The following RBM20 variants were observed in gnomAD, a reference collection of about 807,000 sequenced individuals.
RBM20 encodes the protein RNA binding motif protein 20.
In RBM20, 51 loss-of-function variants were observed where a neutral mutation model predicts 110.1. The ratio of observed to expected loss-of-function variants is 0.46; its 90% CI spans 0.37 to 0.59. RBM20 has a LOEUF of 0.59. Ranked by LOEUF, RBM20 falls within the 20% of genes least tolerant of loss-of-function variation. The pLI is 0.00. For missense variants in RBM20, 1,512 were observed against 1,574.9 expected, an observed-to-expected ratio of 0.96 and a Z score of 0.68; for synonymous variants, 589 against 618.2, an observed-to-expected ratio of 0.95 and a Z score of 0.70.
chr10:110,700,925 G>A lies in RBM20; in HGVS notation c.191+56280G>A, dbSNP rs559078549. ...AGCTACTTGGGAGGCTGAGACGGGA[G>A]AATCGCTTGAACCCGGGAGATGGAG... is the stretch of plus-strand genomic sequence containing the variant. On this transcript the variant is annotated intron_variant, in intron 1 of 13. Transcript: ENST00000369519. 2.0e-5 allele frequency among the ~76,000 whole-genome samples: 3 copies of A among 152,264 alleles called. No homozygotes were observed. The South Asian group carries it at 6.2e-4, about 32-fold the overall frequency.
chr10:110,808,724 C>T (rs1297552745), intron 7 of RBM20, among the ~76,000 whole-genome samples: 1 of 152,144 alleles, frequency 6.6e-6, no homozygotes, highest in East Asian at 1.9e-4. Context: ...CCTGAAACTG[C>T]AGGCAGCTCC....
In RBM20 at chr10:110,675,417, A is replaced by T. The variant is rs773385107; in HGVS notation, c.191+30772A>T. Among the ~76,000 whole-genome samples, 92 of 152,188 alleles carry T rather than the reference A, an allele frequency of 6.0e-4. 1 individual carries two copies. The highest frequency in any genetic ancestry group is 1.3e-3 in the Non-Finnish European group (86 of 68,034). ...ATGAGCAGCTGTGTCTTGCATTCTT[A>T]TAATGTGGTTCTGAGGACTTTACAT... On this transcript the variant is annotated intron_variant, in intron 1 of 13. Coordinates refer to ENST00000369519, the MANE Select transcript of RBM20 (RefSeq NM_001134363.3).
intron 8 of RBM20, among the ~76,000 whole-genome samples, chr10:110,811,112 A>G (rs997224839): frequency 3.0e-4 from 45 of 152,336 alleles, no homozygotes; most frequent in African/African-American, 1.1e-3. Flanking sequence ...AGAAAACTGC[A>G]GGAGCAGGCA....
chr10:110,783,526 AG>A, intron 3 of RBM20, 99 bp downstream of exon 3: 1 of 908,892 alleles, frequency 1.1e-6, no homozygotes, highest in Non-Finnish European at 1.7e-6. Flanking sequence ...CTGGGGCAAT[AG>A]CAGAGACCAG....
At chr10:110,701,828 C>A (rs562286134) in intron 1 of RBM20, among the ~76,000 whole-genome samples, 1 of 152,310 alleles carries the variant, frequency 6.6e-6, no homozygotes, top group African/African-American at 2.4e-5. Context: ...GAGTTTCAAT[C>A]CCCAGGGTCC....
At chr10:110,813,719 C>T (rs1483895729) in intron 9 of RBM20, among the ~76,000 whole-genome samples, 1 of 151,912 alleles carries the variant, frequency 6.6e-6, no homozygotes, top group Admixed American at 6.6e-5. Context: ...CCTGTAGTCC[C>T]AGCTACTCAG....
At chr10:110,776,620 C>T (rs140693113) in intron 1 of RBM20, among the ~76,000 whole-genome samples, 1 of 152,322 alleles carries the variant, frequency 6.6e-6, no homozygotes, top group Admixed American at 6.5e-5. Context: ...GACTCTGATC[C>T]TCCTGCTTCC....
intron 1 of RBM20, among the ~76,000 whole-genome samples, chr10:110,724,996 A>C (rs1172297543): frequency 1.3e-5 from 2 of 152,182 alleles, no homozygotes; most frequent in Non-Finnish European, 2.9e-5. Context: ...TGGATTGCCA[A>C]GTTACTGCAA....
intron 12 of RBM20, among the ~76,000 whole-genome samples, 155 bp from the exon 13 acceptor site, chr10:110,830,906 A>G (rs770307393): frequency 1.3e-5 from 2 of 152,120 alleles, no homozygotes; most frequent in Non-Finnish European, 2.9e-5. Context: ...AAGTGAGGAA[A>G]CTGAGGCTTG....
chr10:110,727,399 C>CAAAAATAAAAAAAAAAA (rs1554893376), intron 1 of RBM20, among the ~76,000 whole-genome samples: 1 of 83,240 alleles, frequency 1.2e-5, no homozygotes, highest in African/African-American at 4.4e-5. Context: ...AAGTCCGTCT[C>CAAAAATAAAAAAAAAAA]AAAAAATAAA....
At chr10:110,815,049 G>A (rs554642839) in intron 9 of RBM20, among the ~76,000 whole-genome samples, 1 of 152,270 alleles carries the variant, frequency 6.6e-6, no homozygotes, top group East Asian at 1.9e-4. Context: ...AACATATACA[G>A]GCAATCAGGA....
At chr10:110,724,562 G>A (rs1279299775) in intron 1 of RBM20, among the ~76,000 whole-genome samples, 6 of 152,144 alleles carry the variant, frequency 3.9e-5, no homozygotes, top group African/African-American at 1.4e-4. Flanking sequence ...GAGAAGCATT[G>A]ACTCCCTGGC....
chr10:110,740,546 A>G (rs895165054), intron 1 of RBM20, among the ~76,000 whole-genome samples: 2 of 151,896 alleles, frequency 1.3e-5, no homozygotes, highest in Non-Finnish European at 2.9e-5. Context: ...TGGGTTATGG[A>G]CCCACCAGAG....
chr10:110,661,313 G>A (rs1862098342), intron 1 of RBM20, among the ~76,000 whole-genome samples: 2 of 152,160 alleles, frequency 1.3e-5, no homozygotes, highest in African/African-American at 4.8e-5. Context: ...CTGGGCACCC[G>A]TGACTTGGTG....
chr10:110,731,330 A>G (rs1843619288), intron 1 of RBM20, among the ~76,000 whole-genome samples: 1 of 152,202 alleles, frequency 6.6e-6, no homozygotes, highest in Non-Finnish European at 1.5e-5. Flanking sequence ...AGAGAATGAA[A>G]CAAGGAAGAT....
chr10:110,835,962 A>T lies in RBM20; in HGVS notation c.3668A>T (p.Glu1223Val). ...PEDSGIVPRF[E>V]RKKL The stretch of plus-strand genomic sequence containing the variant: ...GACAGCGGAATCGTGCCACGCTTCG[A>T]AAGGAAAAAGCTCTGATGCTTCTGC... Residue 1223 changes from glutamate to valine, a missense_variant, in exon 14 of 14, where the codon GAA becomes GTA. Transcript: ENST00000369519. 1 of 1,221,706 alleles carries T rather than the reference A, an allele frequency of 8.2e-7. No individual in the cohort carries two copies. Among genetic ancestry groups the T allele is most frequent in the Non-Finnish European group, 1.2e-6 (1 of 853,908 alleles). 75.7% of individuals were successfully genotyped at this position (1,221,706 alleles called of 1,614,324 possible).
rs1843679602 is a variant in RBM20 at position 110,737,177 on chromosome 10, C to CAAAAAAAAAAAGAAAAAAAAA, written c.192-43613_192-43612insGAAAAAAAAAAAAAAAAAAAA. Among the ~76,000 whole-genome samples the CAAAAAAAAAAAGAAAAAAAAA allele has an allele frequency of 7.5e-5, 2 of 26,620 alleles. 1 individual carries two copies. The highest frequency in any genetic ancestry group is 1.4e-4 in the Non-Finnish European group (2 of 14,384). 17.5% of individuals were successfully genotyped at this position (26,620 alleles called of 152,430 possible). A position where few individuals can be genotyped will look rare whatever the true frequency, so the allele number is the denominator to read the frequency against. ...GGGCAAGAAGAGTGAAACTCTGCCT[C>CAAAAAAAAAAAGAAAAAAAAA]AAAAAAAAAAAAAAAAAAAACACCC... On this transcript the variant is annotated intron_variant, in intron 1 of 13. Coordinates refer to ENST00000369519, the MANE Select transcript of RBM20 (RefSeq NM_001134363.3).
Position 110,677,776 on chromosome 10 carries a change from A to G in RBM20, c.191+33131A>G, listed in dbSNP as rs572601578. ...TAGATAGTTGGTGTGTTCGATGGGC[A>G]TGTATCTCATGTTACTTGTCTTCAT... On this transcript the variant is annotated intron_variant, in intron 1 of 13. Coordinates refer to ENST00000369519, the MANE Select transcript of RBM20 (RefSeq NM_001134363.3). 4.6e-5 allele frequency among the ~76,000 whole-genome samples: 7 copies of G among 152,362 alleles called. No homozygotes were observed. In the East Asian group the frequency reaches 9.6e-4, roughly 21 times the overall value.
chr10:110,777,851 CT>C (rs1358627982), intron 1 of RBM20, among the ~76,000 whole-genome samples: 1 of 152,238 alleles, frequency 6.6e-6, no homozygotes, highest in African/African-American at 2.4e-5. Context: ...TGGAAACCAA[CT>C]TGGCACCTCA....
Sources: allele counts gnomAD v4.1 joint callset (sites outside exome capture counted in the v4.1 genomes callset), GRCh38; gene constraint gnomAD v4.1.1; transcripts MANE v1.5; gene names NCBI Gene and HGNC (gene_info 2026-07-23, HGNC 2026-07-21).